SPOCK3: variants seen among roughly 807,000 people sequenced by gnomAD.
SPOCK3 encodes testican-3.
Under a neutral mutation model 56.6 loss-of-function variants are expected in SPOCK3, and 30 were observed. The ratio of observed to expected loss-of-function variants is 0.53; its 90% CI spans 0.40 to 0.72. SPOCK3 has a LOEUF of 0.72. Ranked by LOEUF, SPOCK3 falls within the 30% of genes least tolerant of loss-of-function variation. The pLI is 0.00. For synonymous variants in SPOCK3, 196 were observed against 183.3 expected, an observed-to-expected ratio of 1.07 and a Z score of -0.56; for missense variants, 527 against 530.0, an observed-to-expected ratio of 0.99 and a Z score of 0.06.
At chr4:167,007,974 T>G (rs1311653535) in intron 3 of SPOCK3, among the ~76,000 whole-genome samples, 1 of 152,112 alleles carries the variant, frequency 6.6e-6, no homozygotes, top group Non-Finnish European at 1.5e-5. Context: ...ATTTTTCACA[T>G]GTTTCTAAGT....
intron 7 of SPOCK3, among the ~76,000 whole-genome samples, chr4:166,790,306 G>A (rs1236735111): frequency 6.6e-6 from 1 of 152,066 alleles, no homozygotes; most frequent in Non-Finnish European, 1.5e-5. Flanking sequence ...ATAAAAATAG[G>A]AGATGGGAGT....
intron 6 of SPOCK3, among the ~76,000 whole-genome samples, chr4:166,869,057 T>C (rs932718148): frequency 1.3e-5 from 2 of 152,054 alleles, no homozygotes; most frequent in Non-Finnish European, 1.5e-5. Context: ...TTTCATTAAT[T>C]ATTCAGAAAA....
At chr4:167,124,506 G>A (rs1762115589) in intron 2 of SPOCK3, among the ~76,000 whole-genome samples, 1 of 152,128 alleles carries the variant, frequency 6.6e-6, no homozygotes, top group Admixed American at 6.5e-5. Context: ...CATCTTTAAT[G>A]AAATCTTTGA....
chr4:166,952,411 C>T (rs1381446117), intron 4 of SPOCK3, among the ~76,000 whole-genome samples: 1 of 152,078 alleles, frequency 6.6e-6, no homozygotes, highest in Admixed American at 6.6e-5. Context: ...GAACTACAAA[C>T]CACTGCTCAA....
chr4:167,140,484 T>A (rs887816607), intron 2 of SPOCK3, among the ~76,000 whole-genome samples: 1 of 152,030 alleles, frequency 6.6e-6, no homozygotes, highest in African/African-American at 2.4e-5. Flanking sequence ...ATAGTTATAC[T>A]AGGTGACAGG....
chr4:166,800,167 G>C (rs903091751), intron 6 of SPOCK3, among the ~76,000 whole-genome samples: 5 of 91,892 alleles, frequency 5.4e-5, no homozygotes, highest in Admixed American at 1.3e-4. Flanking sequence ...GGGCGACAGA[G>C]AGAGACTCCA....
rs545674264 is a variant in SPOCK3 at position 166,843,159 on chromosome 4, G to A, written c.589+45971C>T. Among the ~76,000 whole-genome samples, 6 of 152,218 alleles carry A rather than the reference G, an allele frequency of 3.9e-5. No homozygotes were observed. In the East Asian group the frequency reaches 7.8e-4, roughly 20 times the overall value. On this transcript the variant is annotated intron_variant, in intron 6 of 10. Transcript: ENST00000357545. ...CCACCCAGAACAAGCACTGGCCCGC[G>A]AGTTCCTCTCCCTCCACACCCCCCC...
chr4:166,865,230 A>G (rs1250635069), intron 6 of SPOCK3, among the ~76,000 whole-genome samples: 1 of 152,192 alleles, frequency 6.6e-6, no homozygotes, highest in Non-Finnish European at 1.5e-5. Flanking sequence ...AAAATTCAAC[A>G]TTCTTTCATG....
intron 3 of SPOCK3, among the ~76,000 whole-genome samples, chr4:167,060,956 T>C (rs1416874008): frequency 6.6e-6 from 1 of 152,092 alleles, no homozygotes; most frequent in East Asian, 1.9e-4. Flanking sequence ...AAATAGGACA[T>C]TCTTCATAAA....
intron 6 of SPOCK3, among the ~76,000 whole-genome samples, chr4:166,809,626 G>A (rs1229808543): frequency 1.3e-5 from 2 of 151,962 alleles, no homozygotes; most frequent in Non-Finnish European, 2.9e-5. Context: ...ATTCTTTCAG[G>A]TTTTGTTTTT....
intron 2 of SPOCK3, among the ~76,000 whole-genome samples, chr4:167,208,866 A>C (rs1323187719): frequency 2.0e-5 from 3 of 152,156 alleles, no homozygotes; most frequent in Non-Finnish European, 4.4e-5. Context: ...TATCTTGATA[A>C]GGAAAACATT....
chr4:166,867,240 A>G (rs1731942607), intron 6 of SPOCK3, among the ~76,000 whole-genome samples: 1 of 152,096 alleles, frequency 6.6e-6, no homozygotes, highest in Admixed American at 6.6e-5. Flanking sequence ...GATGAATATC[A>G]CAATAATAAT....
chr4:167,159,476 T>A (rs1011553639), intron 2 of SPOCK3, among the ~76,000 whole-genome samples: 1 of 152,174 alleles, frequency 6.6e-6, no homozygotes, highest in African/African-American at 2.4e-5. Flanking sequence ...GAGGACCTGG[T>A]ACCATTCCTT....
At chr4:166,825,457 C>A (rs1745360811) in intron 6 of SPOCK3, among the ~76,000 whole-genome samples, 1 of 152,038 alleles carries the variant, frequency 6.6e-6, no homozygotes, top group African/African-American at 2.4e-5. Flanking sequence ...ACTAGTACAA[C>A]CACTGTGGAA....
chr4:167,158,973 A>C (rs937545355), intron 2 of SPOCK3, among the ~76,000 whole-genome samples: 1 of 152,036 alleles, frequency 6.6e-6, no homozygotes, highest in African/African-American at 2.4e-5. Flanking sequence ...TCATACATAC[A>C]TAGTTAGAAC....
chr4:166,803,794 G>T (rs553497888), intron 6 of SPOCK3, among the ~76,000 whole-genome samples: 20 of 152,070 alleles, frequency 1.3e-4, no homozygotes, highest in Admixed American at 5.2e-4. Context: ...TTATGCCTAG[G>T]GTTATTACTA....
chr4:166,748,185 C>T (rs1196302995), intron 8 of SPOCK3, among the ~76,000 whole-genome samples: 1 of 137,772 alleles, frequency 7.3e-6, no homozygotes, highest in South Asian at 2.2e-4. Context: ...CAAGACAATC[C>T]TAAGCCAAAA....
chr4:167,142,139 T>C (rs1166235881), intron 2 of SPOCK3, among the ~76,000 whole-genome samples: 1 of 151,988 alleles, frequency 6.6e-6, no homozygotes, highest in African/African-American at 2.4e-5. Context: ...ATGAAAAGTC[T>C]CCAAACTTTT....
rs55740507 is a variant in SPOCK3 at position 167,102,922 on chromosome 4, GAAAAAAAAAAAAAA to G, written c.190-40399_190-40386del. On this transcript the variant is annotated intron_variant, in intron 2 of 10. Transcript: ENST00000357545. ...CCAACACCAGGCAATATAGCTTGCA[GAAAAAAAAAAAAAA>G]AAAAAAAAAAAGTCACTCCTTCTTT... is the stretch of plus-strand genomic sequence containing the variant. Among the ~76,000 whole-genome samples, 11 of 62,534 alleles carry G rather than the reference GAAAAAAAAAAAAAA, an allele frequency of 1.8e-4. No individual in the cohort carries two copies. The East Asian group carries it at 5.4e-3, about 31-fold the overall frequency. 41.0% of individuals were successfully genotyped at this position (62,534 alleles called of 152,430 possible). A position where few individuals can be genotyped will look rare whatever the true frequency, so the allele number is the denominator to read the frequency against.
Sources: allele counts gnomAD v4.1 joint callset (sites outside exome capture counted in the v4.1 genomes callset), GRCh38; gene constraint gnomAD v4.1.1; transcripts MANE v1.5; gene names NCBI Gene and HGNC (gene_info 2026-07-23, HGNC 2026-07-21).